The following NTM variants were observed in gnomAD, a reference collection of about 807,000 sequenced individuals.
The protein encoded by NTM is IgLON family member 2.
A neutral mutation model predicts 42.1 loss-of-function variants in NTM; 13 were observed. The observed-to-expected ratio is 0.31, with a 90% CI of 0.20 to 0.49. The LOEUF (loss-of-function observed/expected upper bound fraction) is 0.49, where lower values mean the gene tolerates loss of function less well. NTM is among the 20% of genes least tolerant of loss of function. The pLI is 0.99. For synonymous variants in NTM, 187 were observed against 179.2 expected (o/e 1.04, Z -0.35); for missense variants, 373 against 452.8 (o/e 0.82, Z 1.60).
intron 3 of NTM, among the ~76,000 whole-genome samples, chr11:132,147,620 T>C (rs980830744): frequency 6.6e-6 from 1 of 152,114 alleles, no homozygotes; most frequent in African/African-American, 2.4e-5. Flanking sequence ...GTGGGTCAAA[T>C]ATCTTATTTT....
At chr11:131,911,790 C>G in intron 2 of NTM, 142 bp downstream of exon 2, 1 of 1,026,150 alleles carries the variant, frequency 9.7e-7, no homozygotes, top group Non-Finnish European at 1.4e-6. Flanking sequence ...TATGGCTGCG[C>G]TGGGGGCTCT....
intron 2 of NTM, among the ~76,000 whole-genome samples, chr11:132,039,320 C>T (rs2076896647): frequency 6.6e-6 from 1 of 152,234 alleles, no homozygotes; most frequent in East Asian, 1.9e-4. Context: ...CTGTTACTCC[C>T]TGCTTGCTTG....
chr11:131,424,600 C>CTTTTCTTTTTTTTTTTTTTTTTTTTTTT (rs1555108116), intron 1 of NTM, among the ~76,000 whole-genome samples: 33 of 56,042 alleles, frequency 5.9e-4, no homozygotes, highest in East Asian at 2.3e-3. Flanking sequence ...CTTTTCTTTT[C>CTTTTCTTTTTTTTTTTTTTTTTTTTTTT]TTTTTTTTTT....
chr11:131,607,385 T>C (rs116545599), intron 1 of NTM, among the ~76,000 whole-genome samples: 1,975 of 152,318 alleles, frequency 0.013, 46 homozygotes, highest in African/African-American at 0.046. Flanking sequence ...TTATAATAAA[T>C]CTTGCTTCAG....
intron 2 of NTM, among the ~76,000 whole-genome samples, chr11:132,112,529 C>T (rs567681721): frequency 2.0e-5 from 3 of 152,148 alleles, no homozygotes; most frequent in South Asian, 2.1e-4. Flanking sequence ...AGCAAGAAAA[C>T]GAGACTCCCA....
intron 4 of NTM, among the ~76,000 whole-genome samples, chr11:132,265,064 G>A (rs188484548): frequency 3.9e-5 from 6 of 152,362 alleles, no homozygotes; most frequent in African/African-American, 1.2e-4. Flanking sequence ...CATAGTAGTA[G>A]CTAAGGTGAG....
chr11:132,020,577 A>G (rs1274217499), intron 2 of NTM, among the ~76,000 whole-genome samples: 1 of 152,120 alleles, frequency 6.6e-6, no homozygotes, highest in Non-Finnish European at 1.5e-5. Context: ...TTAGATTGAT[A>G]GTAACTAAAT....
intron 1 of NTM, among the ~76,000 whole-genome samples, chr11:131,659,263 TAA>T (rs749401397): frequency 1.5e-3 from 232 of 152,332 alleles, no homozygotes; most frequent in Admixed American, 3.4e-3. Context: ...CACAGACCCT[TAA>T]AGTGTTGTGC....
chr11:132,188,834 TG>T (rs1282157237), intron 3 of NTM, among the ~76,000 whole-genome samples: 1 of 152,202 alleles, frequency 6.6e-6, no homozygotes, highest in Non-Finnish European at 1.5e-5. Context: ...CCTATAGCAC[TG>T]CACCCTGGGC....
intron 1 of NTM, among the ~76,000 whole-genome samples, chr11:131,758,262 TCC>T (rs1043274561): frequency 4.0e-5 from 6 of 150,280 alleles, no homozygotes; most frequent in African/African-American, 1.2e-4. Flanking sequence ...GTCTTCCCCC[TCC>T]CCCCCGCCAA....
chr11:131,754,123 G>C (rs1353772560), intron 1 of NTM, among the ~76,000 whole-genome samples: 1 of 127,034 alleles, frequency 7.9e-6, no homozygotes, highest in Non-Finnish European at 1.6e-5. Flanking sequence ...CACACACCGG[G>C]GCCTGTTGTG....
At chr11:131,898,794 G>A (rs1045223154) in intron 1 of NTM, among the ~76,000 whole-genome samples, 1 of 152,152 alleles carries the variant, frequency 6.6e-6, no homozygotes, top group African/African-American at 2.4e-5. Context: ...CTTGGGCTCT[G>A]TGCATTTACA....
intron 1 of NTM, among the ~76,000 whole-genome samples, chr11:131,431,714 T>G (rs1297190801): frequency 6.6e-6 from 1 of 152,184 alleles, no homozygotes; most frequent in African/African-American, 2.4e-5. Flanking sequence ...CATTTTGGCT[T>G]CTATGCCCAT....
chr11:131,756,353 G>A (rs1459060874), intron 1 of NTM, among the ~76,000 whole-genome samples: 1 of 152,080 alleles, frequency 6.6e-6, no homozygotes, highest in Non-Finnish European at 1.5e-5. Flanking sequence ...GGAGGCCAAG[G>A]CAAGAGGACC....
At chr11:132,313,805 G>GC (rs1352582281) in intron 6 of NTM, among the ~76,000 whole-genome samples, 3 of 152,150 alleles carry the variant, frequency 2.0e-5, no homozygotes, top group Admixed American at 1.3e-4. Flanking sequence ...TTCTGTAGTG[G>GC]CCCCCAGACC....
At chr11:131,955,782 C>G (rs2061496900) in intron 2 of NTM, among the ~76,000 whole-genome samples, 1 of 151,848 alleles carries the variant, frequency 6.6e-6, no homozygotes, top group Non-Finnish European at 1.5e-5. Flanking sequence ...GACTCATCAC[C>G]ACTCTAGCCC....
chr11:131,393,509 T>G (rs1944248486), intron 1 of NTM, among the ~76,000 whole-genome samples: 1 of 152,100 alleles, frequency 6.6e-6, no homozygotes, highest in Admixed American at 6.5e-5. Context: ...TCACGCCCAT[T>G]CCATTAGTGC....
intron 1 of NTM, among the ~76,000 whole-genome samples, chr11:131,498,032 T>C (rs35051291): frequency 0.057 from 8,607 of 152,288 alleles, 246 homozygotes; most frequent in African/African-American, 0.072. Context: ...GAATAAGACC[T>C]CCTTCCCCTC....
intron 1 of NTM, among the ~76,000 whole-genome samples, chr11:131,511,354 G>A (rs893678157): frequency 6.6e-6 from 1 of 152,188 alleles, no homozygotes; most frequent in Non-Finnish European, 1.5e-5. Context: ...GCAGTGCCAT[G>A]CCCTAATTGA....
Sources: allele counts gnomAD v4.1 joint callset (sites outside exome capture counted in the v4.1 genomes callset), GRCh38; gene constraint gnomAD v4.1.1; transcripts MANE v1.5; gene names NCBI Gene and HGNC (gene_info 2026-07-23, HGNC 2026-07-21).